Variants in SUCNR1 observed in about 807,000 individuals in gnomAD.
SUCNR1 encodes the protein G-protein coupled receptor 91.
In SUCNR1, 5 loss-of-function variants were observed where a neutral mutation model predicts 2.4. The ratio of observed to expected loss-of-function variants is 2.07; its 90% CI spans 1.08 to 4.36. The LOEUF (loss-of-function observed/expected upper bound fraction) is 4.36, where lower values mean the gene tolerates loss of function less well. Ranked by LOEUF, SUCNR1 falls within the 30% of genes most tolerant of loss-of-function variation. The pLI is 0.00. For synonymous variants in SUCNR1, 162 were observed against 143.9 expected (o/e 1.13, Z -0.90); for missense variants, 373 against 399.2 (o/e 0.93, Z 0.56).
In SUCNR1 at chr3:151,882,132, A is replaced by G. The variant is rs768893513; in HGVS notation, c.*584A>G. ...TAACCTTTTTGTTGTATGGGTTTAT[A>G]GTGGAAAGAATCTTAATTTAAATAA... On this transcript the variant is annotated 3_prime_UTR_variant, in exon 3 of 3. Transcript: ENST00000362032. 2 of 152,166 alleles carry G rather than the reference A, an allele frequency of 1.3e-5. No individual in the cohort carries two copies. The highest frequency in any genetic ancestry group is 2.4e-5 in the African/African-American group (1 of 41,426). The allele number at this position is 152,166 out of a possible 1,614,324, so 9.4% of individuals were successfully genotyped here.
rs1482910102 is a variant in SUCNR1 at position 151,881,573 on chromosome 3, A to G, written c.*25A>G. 2 of 1,553,826 alleles carry G rather than the reference A, an allele frequency of 1.3e-6. No homozygotes were observed. The highest frequency in any genetic ancestry group is 1.4e-5 in the African/African-American group (1 of 72,812). On this transcript the variant is annotated 3_prime_UTR_variant, in exon 3 of 3. Coordinates refer to ENST00000362032, the MANE Select transcript of SUCNR1 (RefSeq NM_033050.6). ...AGGGGCTTGTGAAACAGATTGTTCT[A>G]CAGATGAATCTGTAAGCCAGTTACA... is the stretch of plus-strand genomic sequence containing the variant.
intron 1 of SUCNR1, among the ~76,000 whole-genome samples, chr3:151,878,997 A>T (rs2030370): frequency 0.48 from 72,712 of 152,026 alleles, 18,488 homozygotes; most frequent in African/African-American, 0.65. Flanking sequence ...CAAAATTCTA[A>T]ATTGAAAGAA....
rs1383041547 is a variant in SUCNR1, at chr3:151,883,463, CACATATATAT to C, written c.*1917_*1926del. ...GAAATATTTTTTCAAACCATAAACT[CACATATATAT>C]ATATATATATATATATATATATATA... On this transcript the variant is annotated 3_prime_UTR_variant, in exon 3 of 3. Transcript: ENST00000362032. The C allele has an allele frequency of 4.3e-5, 3 of 70,116 alleles. No homozygotes were observed. Among genetic ancestry groups the C allele is most frequent in the African/African-American group, 1.5e-4 (3 of 19,744 alleles). 4.3% of individuals were successfully genotyped at this position (70,116 alleles called of 1,614,324 possible).
chr3:151,874,424 C>T (rs1031594860), intron 1 of SUCNR1, among the ~76,000 whole-genome samples: 1 of 151,870 alleles, frequency 6.6e-6, no homozygotes, highest in African/African-American at 2.4e-5. Context: ...GTGATCCACT[C>T]ATCTCGGCCT....
chr3:151,875,571 A>C (rs1717901164), intron 1 of SUCNR1, among the ~76,000 whole-genome samples: 1 of 152,174 alleles, frequency 6.6e-6, no homozygotes, highest in Non-Finnish European at 1.5e-5. Flanking sequence ...CATTTTTATG[A>C]ATAAAAATTC....
At chr3:151,875,626 G>C (rs534846476) in intron 1 of SUCNR1, among the ~76,000 whole-genome samples, 7 of 151,838 alleles carry the variant, frequency 4.6e-5, no homozygotes, top group Non-Finnish European at 8.8e-5. Flanking sequence ...ATTAGGAGTG[G>C]TCTGTTTACA....
rs1337111287 is a variant in SUCNR1 at position 151,879,880 on chromosome 3, G to A, written c.-13G>A. The stretch of plus-strand genomic sequence containing the variant: ...ATGGTTTAACTCAGCAGAATTTGTT[G>A]AACAACTACGACATGCTGGGGATCA... On this transcript the variant is annotated 5_prime_UTR_variant, in exon 2 of 3. Transcript: ENST00000362032. The A allele has an allele frequency of 1.3e-6, 2 of 1,571,904 alleles. No individual in the cohort carries two copies. Among genetic ancestry groups the A allele is most frequent in the South Asian group, 1.2e-5 (1 of 83,422 alleles).
chr3:151,880,921 T>A lies in SUCNR1; in HGVS notation c.378T>A (p.Tyr126Ter), dbSNP rs1180428338. The A allele has an allele frequency of 1.9e-6, 3 of 1,613,736 alleles. No homozygotes were observed. Among genetic ancestry groups the A allele is most frequent in the Non-Finnish European group, 2.5e-6 (3 of 1,180,026 alleles). The change falls in exon 3 of 3, where the codon TAT becomes TAA. Residue 126 changes from tyrosine (Y) to a stop codon, truncating the protein, a stop_gained. Coordinates refer to ENST00000362032, the MANE Select transcript of SUCNR1 (RefSeq NM_033050.6). LOFTEE classifies it low-confidence loss of function (END_TRUNC). Reference protein sequence around the residue: ...ISIDRYLIIKYPFREHLLQKK... With the variant: ...ISIDRYLIIK Reference sequence around the variant, plus strand: ...TAGATCGATACTTGATAATTAAGTATCCTTTCCGAGAACACCTTCTGCAAA... The same window carrying A: ...TAGATCGATACTTGATAATTAAGTAACCTTTCCGAGAACACCTTCTGCAAA...
intron 1 of SUCNR1, among the ~76,000 whole-genome samples, chr3:151,875,016 ATATATT>A (rs1408681813): frequency 2.0e-5 from 3 of 152,132 alleles, no homozygotes; most frequent in Non-Finnish European, 2.9e-5. Flanking sequence ...AAAAGGCTGA[ATATATT>A]TAAAGTAAAA....
chr3:151,879,846 T>A lies in SUCNR1; in HGVS notation c.-41-6T>A. Reference sequence around the variant, plus strand: ...AAGTTCTAAAAATTCTTATTTCCTCTTCTAGGTTATGGTTTAACTCAGCAG... The same window carrying A: ...AAGTTCTAAAAATTCTTATTTCCTCATCTAGGTTATGGTTTAACTCAGCAG... On this transcript the variant is annotated splice_polypyrimidine_tract_variant and splice_region_variant and intron_variant, in intron 1 of 2. Transcript: ENST00000362032. 6.8e-7 allele frequency: 1 copy of A among 1,463,086 alleles called. No individual in the cohort carries two copies. The highest frequency in any genetic ancestry group is 9.2e-7 in the Non-Finnish European group (1 of 1,085,588). 90.6% of individuals were successfully genotyped at this position (1,463,086 alleles called of 1,614,324 possible).
At chr3:151,874,138 ATATATATATTTTTT>A (rs376075905) in intron 1 of SUCNR1, among the ~76,000 whole-genome samples, 10,733 of 76,236 alleles carry the variant, frequency 0.14, 525 homozygotes, top group Admixed American at 0.17. Flanking sequence ...ATATATATAT[ATATATATATTTTTT>A]TTTTTTTTTT....
At position 151,880,901 on chromosome 3, in the gene SUCNR1, C is replaced by T. The variant is rs748612865; in HGVS notation, c.358C>T (p.Arg120Ter). The part of the protein sequence containing the change: ...ILFLTFISID[R>*]YLIIKYPFRE... ...CTTTCTCACTTTTATCAGCATAGAT[C>T]GATACTTGATAATTAAGTATCCTTT... Residue 120 changes from arginine (R) to a stop codon, truncating the protein, a stop_gained, in exon 3 of 3, where the codon CGA becomes TGA. Transcript: ENST00000362032. LOFTEE classifies it low-confidence loss of function (END_TRUNC). The T allele has an allele frequency of 5.0e-6, 8 of 1,613,824 alleles. No homozygotes were observed. The highest frequency in any genetic ancestry group is 2.7e-5 in the African/African-American group (2 of 74,892).
chr3:151,879,222 G>A (rs1001160294), intron 1 of SUCNR1, among the ~76,000 whole-genome samples: 1 of 152,174 alleles, frequency 6.6e-6, no homozygotes. Flanking sequence ...AGGTTAGCAA[G>A]ACTCTTGAGG....
rs866347870 is a variant in SUCNR1, at chr3:151,881,102, T to C, written c.559T>C (p.Tyr187His). ...SSGDPNYNLI[Y>H]SMCLTLLGFL... ...TGGAGACCCCAACTACAACCTCATT[T>C]ACAGCATGTGTCTAACACTGTTGGG... The change falls in exon 3 of 3, where the codon TAC becomes CAC. Residue 187 changes from tyrosine to histidine, a missense_variant. By Grantham distance (83) the Tyr-to-His change is moderately conservative (BLOSUM62 2). Coordinates refer to ENST00000362032, the MANE Select transcript of SUCNR1 (RefSeq NM_033050.6). The C allele has an allele frequency of 6.2e-7, 1 of 1,614,164 alleles. No individual in the cohort carries two copies.
rs1718154701 is a variant in SUCNR1 at position 151,883,298 on chromosome 3, CT to C, written c.*1751del. On this transcript the variant is annotated 3_prime_UTR_variant, in exon 3 of 3. Coordinates refer to ENST00000362032, the MANE Select transcript of SUCNR1 (RefSeq NM_033050.6). ...TTAAGAAAGAAAGATTCACTTACTTCTGCAAACTTGGCAATCCGTAATTTAA... is the reference window on the plus strand; with the variant it reads ...TTAAGAAAGAAAGATTCACTTACTTCGCAAACTTGGCAATCCGTAATTTAA... 1 of 151,654 alleles carries C rather than the reference CT, an allele frequency of 6.6e-6. No individual in the cohort carries two copies. Among genetic ancestry groups the C allele is most frequent in the Admixed American group, 6.6e-5 (1 of 15,224 alleles). The allele number at this position is 151,654 out of a possible 1,614,324, so 9.4% of individuals were successfully genotyped here.
chr3:151,877,684 G>A (rs896757667), intron 1 of SUCNR1, among the ~76,000 whole-genome samples: 1 of 152,142 alleles, frequency 6.6e-6, no homozygotes, highest in Non-Finnish European at 1.5e-5. Flanking sequence ...TATGCTGCAG[G>A]CTTGGTAAGG....
Position 151,882,491 on chromosome 3 carries a change from A to G in SUCNR1, c.*943A>G, listed in dbSNP as rs1288066590. 3.3e-5 allele frequency: 5 copies of G among 152,114 alleles called. No homozygotes were observed. The South Asian group carries it at 1.0e-3, about 31-fold the overall frequency. The allele number at this position is 152,114 out of a possible 1,614,324, so 9.4% of individuals were successfully genotyped here. A position where few individuals can be genotyped will look rare whatever the true frequency, so the allele number is the denominator to read the frequency against. The stretch of plus-strand genomic sequence containing the variant: ...TAAACCAGCAAATAAGGAGAAATAA[A>G]CTGATAATACTAGATTCATTGGGAT... On this transcript the variant is annotated 3_prime_UTR_variant, in exon 3 of 3. Coordinates refer to ENST00000362032, the MANE Select transcript of SUCNR1 (RefSeq NM_033050.6).
rs183650377 is a variant in SUCNR1 at position 151,877,188 on chromosome 3, C to G, written c.-41-2664C>G. ...GAAGGCTCTCTGTGCATTCAAAGAG[C>G]AGGAAGAAAGGAAGATGAATTAGGA... On this transcript the variant is annotated intron_variant, in intron 1 of 2. Transcript: ENST00000362032. Among the ~76,000 whole-genome samples the G allele has an allele frequency of 1.8e-4, 28 of 152,134 alleles. 1 individual carries two copies. Among genetic ancestry groups the G allele is most frequent in the Admixed American group, 1.2e-3 (18 of 15,240 alleles).
intron 1 of SUCNR1, among the ~76,000 whole-genome samples, chr3:151,877,990 C>T (rs1378319148): frequency 6.6e-6 from 1 of 152,090 alleles, no homozygotes; most frequent in Non-Finnish European, 1.5e-5. Flanking sequence ...AGAAGGGAAA[C>T]TAGGATATTG....
Sources: allele counts gnomAD v4.1 joint callset (sites outside exome capture counted in the v4.1 genomes callset), GRCh38; gene constraint gnomAD v4.1.1; transcripts MANE v1.5; gene names NCBI Gene and HGNC (gene_info 2026-07-23, HGNC 2026-07-21).